Variants in KCNH8 observed in about 807,000 individuals in gnomAD.
KCNH8 encodes potassium voltage-gated channel subfamily H member 8, also known as voltage-gated delayed rectifier potassium channel KCNH8.
KCNH8 carries 70 observed loss-of-function variants against 103.6 expected under a neutral mutation model. That is an observed-to-expected ratio of 0.68 (90% CI 0.56 to 0.82). The LOEUF (loss-of-function observed/expected upper bound fraction) is 0.82, where lower values mean the gene tolerates loss of function less well. KCNH8 is among the 40% of genes least tolerant of loss of function. KCNH8 has a pLI of 0.00. For missense variants in KCNH8, 1,217 were observed against 1,329.9 expected (o/e 0.92, Z 1.32); for synonymous variants, 498 against 489.4 (o/e 1.02, Z -0.23).
At chr3:19,260,438 C>G (rs2064415244) in intron 2 of KCNH8, among the ~76,000 whole-genome samples, 1 of 137,908 alleles carries the variant, frequency 7.3e-6, no homozygotes, top group African/African-American at 2.7e-5. Flanking sequence ...ACATTACTTA[C>G]TTAAAAACAT....
intron 1 of KCNH8, among the ~76,000 whole-genome samples, chr3:19,175,269 T>C (rs2063386718): frequency 6.6e-6 from 1 of 150,740 alleles, no homozygotes; most frequent in African/African-American, 2.5e-5. Flanking sequence ...TCACCCAGGC[T>C]GGAGTGCAGT....
chr3:19,419,533 A>G (rs7612043), intron 7 of KCNH8, among the ~76,000 whole-genome samples: 123 of 152,212 alleles, frequency 8.1e-4, no homozygotes, highest in African/African-American at 2.8e-3. Context: ...TCAGCCCTAA[A>G]GAAGTTACTG....
chr3:19,253,040 C>A (rs1461323326), intron 1 of KCNH8, among the ~76,000 whole-genome samples: 7 of 152,110 alleles, frequency 4.6e-5, no homozygotes. Context: ...AATACTTCTG[C>A]TTTCTCTCCC....
chr3:19,377,974 T>C (rs73032149), intron 5 of KCNH8, among the ~76,000 whole-genome samples: 18,517 of 152,184 alleles, frequency 0.12, 1,350 homozygotes, highest in Middle Eastern at 0.21. Context: ...TATTTCTCTT[T>C]ATTTTATTTC....
At position 19,450,485 on chromosome 3, in the gene KCNH8, A is replaced by T; in HGVS notation, c.1575+180A>T. The T allele has an allele frequency of 4.9e-6, 3 of 610,170 alleles. No individual in the cohort carries two copies. The South Asian group carries it at 6.0e-5, about 12-fold the overall frequency. The allele number at this position is 610,170 out of a possible 1,614,324, so 37.8% of individuals were successfully genotyped here. On this transcript the variant is annotated intron_variant, in intron 9 of 15. Coordinates refer to ENST00000328405, the MANE Select transcript of KCNH8 (RefSeq NM_144633.3). ...CACTTGCTTTGGCTTGTGTTTTCAC[A>T]ATGCCAATTTGGATTGACCGAAGTT...
chr3:19,487,273 G>A (rs2068230297), intron 11 of KCNH8, among the ~76,000 whole-genome samples: 1 of 152,196 alleles, frequency 6.6e-6, no homozygotes, highest in South Asian at 2.1e-4. Flanking sequence ...AGTCCAGACA[G>A]GTAAACCAAC....
intron 3 of KCNH8, among the ~76,000 whole-genome samples, chr3:19,296,988 T>A (rs185237025): frequency 1.3e-5 from 2 of 152,298 alleles, no homozygotes; most frequent in East Asian, 3.9e-4. Flanking sequence ...ATATTATTTA[T>A]TAATTCCATC....
chr3:19,313,367 G>A (rs920166059), intron 3 of KCNH8, among the ~76,000 whole-genome samples: 2 of 151,804 alleles, frequency 1.3e-5, no homozygotes, highest in African/African-American at 4.8e-5. Context: ...TGTGATCTTA[G>A]GCCAGGCATT....
intron 1 of KCNH8, among the ~76,000 whole-genome samples, chr3:19,230,864 ATG>A (rs1318431405): frequency 6.6e-6 from 1 of 152,216 alleles, no homozygotes; most frequent in Non-Finnish European, 1.5e-5. Flanking sequence ...AATTTGCAAT[ATG>A]TGCCAAGAGT....
At chr3:19,158,438 G>A (rs2063202256) in intron 1 of KCNH8, among the ~76,000 whole-genome samples, 1 of 151,322 alleles carries the variant, frequency 6.6e-6, no homozygotes, top group Admixed American at 6.6e-5. Context: ...TACTTATTTG[G>A]AAGTCTGTAT....
At chr3:19,354,427 G>C (rs1004367971) in intron 5 of KCNH8, among the ~76,000 whole-genome samples, 2 of 152,058 alleles carry the variant, frequency 1.3e-5, no homozygotes, top group African/African-American at 4.8e-5. Flanking sequence ...TGCCAAGTCA[G>C]TCCTAAGCCA....
At chr3:19,410,395 T>C (rs2066758201) in intron 7 of KCNH8, among the ~76,000 whole-genome samples, 1 of 152,028 alleles carries the variant, frequency 6.6e-6, no homozygotes, top group South Asian at 2.1e-4. Flanking sequence ...GCCAAAGCAG[T>C]GTTAAGAGGA....
chr3:19,444,718 C>A lies in KCNH8; in HGVS notation c.1376-5388C>A, dbSNP rs1168954987. Among the ~76,000 whole-genome samples the A allele has an allele frequency of 2.7e-5, 4 of 148,402 alleles. No homozygotes were observed. In the East Asian group the frequency reaches 8.6e-4, roughly 32 times the overall value. On this transcript the variant is annotated intron_variant, in intron 8 of 15. Coordinates refer to ENST00000328405, the MANE Select transcript of KCNH8 (RefSeq NM_144633.3). ...ACACCTCAGAAGTAGATTTCCAATA[C>A]CTGAGTAGATGACAAACATATACAA...
chr3:19,322,145 C>T (rs888265493), intron 3 of KCNH8, among the ~76,000 whole-genome samples: 6 of 152,062 alleles, frequency 3.9e-5, no homozygotes, highest in Admixed American at 3.9e-4. Context: ...CCCATTCTGA[C>T]ATTCTGTATC....
intron 3 of KCNH8, among the ~76,000 whole-genome samples, chr3:19,291,681 G>C (rs1321192676): frequency 6.6e-6 from 1 of 152,152 alleles, no homozygotes; most frequent in Admixed American, 6.5e-5. Context: ...GTCAATTTTG[G>C]AATAGGTGTG....
intron 1 of KCNH8, among the ~76,000 whole-genome samples, chr3:19,177,151 A>C (rs1276443287): frequency 6.6e-6 from 1 of 152,134 alleles, no homozygotes; most frequent in East Asian, 1.9e-4. Context: ...ACAAAAATGC[A>C]AAAAACACGG....
chr3:19,345,318 C>T (rs1244444945), intron 4 of KCNH8, among the ~76,000 whole-genome samples: 2 of 152,042 alleles, frequency 1.3e-5, no homozygotes, highest in Admixed American at 1.3e-4. Flanking sequence ...TTAGATTACT[C>T]ACTGAAGTGA....
chr3:19,162,636 A>G (rs2063245279), intron 1 of KCNH8, among the ~76,000 whole-genome samples: 1 of 152,176 alleles, frequency 6.6e-6, no homozygotes, highest in African/African-American at 2.4e-5. Flanking sequence ...TCTTTGAGAT[A>G]TTTTAACTTA....
intron 5 of KCNH8, among the ~76,000 whole-genome samples, chr3:19,378,381 A>G (rs11706405): frequency 0.049 from 7,530 of 152,250 alleles, 234 homozygotes; most frequent in East Asian, 0.13. Flanking sequence ...TCATTGTACA[A>G]TAGAGTTGCA....
Sources: gnomAD v4.1 joint callset for allele counts (sites outside exome capture counted in the v4.1 genomes callset) on GRCh38, gnomAD v4.1.1 for gene constraint, MANE v1.5 for transcripts, NCBI Gene and HGNC (gene_info 2026-07-23, HGNC 2026-07-21) for gene names.